Variants in GALNT1 observed in about 807,000 individuals in gnomAD.
GALNT1 encodes polypeptide N-acetylgalactosaminyltransferase 1, also known as GalNAc transferase 1.
Under a neutral mutation model 65.7 loss-of-function variants are expected in GALNT1, and 17 were observed. The observed-to-expected ratio is 0.26, with a 90% CI of 0.18 to 0.39. GALNT1 has a LOEUF of 0.39. Among genes scored for constraint, GALNT1 ranks in the 10% least tolerant of loss-of-function variants. The probability of loss-of-function intolerance (pLI) is 1.00; values close to 1 mark genes in which losing one functional copy is unlikely to be tolerated. For missense variants in GALNT1, 460 were observed against 672.8 expected (o/e 0.68, Z 3.50); for synonymous variants, 210 against 219.7 (o/e 0.96, Z 0.39).
intron 11 of GALNT1, among the ~76,000 whole-genome samples, chr18:35,705,177 A>G (rs1006246460): frequency 6.6e-6 from 1 of 152,184 alleles, no homozygotes; most frequent in African/African-American, 2.4e-5. Context: ...TGTTCTCTGA[A>G]CATACCTTAT....
At chr18:35,624,154 T>C (rs940929741) in intron 1 of GALNT1, among the ~76,000 whole-genome samples, 6 of 152,342 alleles carry the variant, frequency 3.9e-5, no homozygotes, top group Middle Eastern at 3.4e-3. Context: ...GAGTCTGTCC[T>C]GTGTTATATG....
At chr18:35,693,926 A>AGAAGGAATC (rs2048010309) in intron 9 of GALNT1, among the ~76,000 whole-genome samples, 1 of 152,170 alleles carries the variant, frequency 6.6e-6, no homozygotes, top group Non-Finnish European at 1.5e-5. Context: ...CATGGAGATG[A>AGAAGGAATC]GAAGGAATCA....
intron 1 of GALNT1, among the ~76,000 whole-genome samples, chr18:35,630,164 G>A (rs2046986449): frequency 1.3e-5 from 2 of 152,096 alleles, no homozygotes; most frequent in South Asian, 2.1e-4. Flanking sequence ...AGTTAACAAG[G>A]ATATCCAGGA....
intron 1 of GALNT1, chr18:35,596,707 C>T (rs2046509460): frequency 6.6e-6 from 1 of 152,256 alleles, no homozygotes; most frequent in South Asian, 2.1e-4. Context: ...TGCAACTCAA[C>T]TCCACACCAT....
Position 35,702,924 on chromosome 18 carries a change from C to G in GALNT1, c.1327C>G (p.Leu443Val). Residue 443 changes from leucine (L) to valine (V), a missense_variant, in exon 10 of 12, where the codon CTA (leucine) becomes GTA (valine). Coordinates refer to ENST00000269195, the MANE Select transcript of GALNT1 (RefSeq NM_020474.4). ...ACGAAATGTGGAAACGAATCAGTGT[C>G]TAGATAACATGGCTAGAAAAGAGAA... is the stretch of plus-strand genomic sequence containing the variant. ...EIRNVETNQC[L>V]DNMARKENEK... is the part of the protein sequence containing the mutation. 1 of 1,609,508 alleles carries G rather than the reference C, an allele frequency of 6.2e-7. No homozygotes were observed. Among genetic ancestry groups the G allele is most frequent in the Non-Finnish European group, 8.5e-7 (1 of 1,178,420 alleles).
chr18:35,613,524 C>T (rs1478039320), intron 1 of GALNT1, among the ~76,000 whole-genome samples: 1 of 152,064 alleles, frequency 6.6e-6, no homozygotes, highest in African/African-American at 2.4e-5. Flanking sequence ...ATACTGGCTC[C>T]CGTGCTGAGG....
chr18:35,703,760 T>G, intron 11 of GALNT1, 117 bp downstream of exon 11: 1 of 947,366 alleles, frequency 1.1e-6, no homozygotes, highest in South Asian at 2.2e-5. Flanking sequence ...AAACTTGTCT[T>G]ATACACTAAA....
chr18:35,598,991 G>GTTT (rs377086201), intron 1 of GALNT1, among the ~76,000 whole-genome samples: 35 of 115,018 alleles, frequency 3.0e-4, no homozygotes, highest in African/African-American at 9.9e-4. Flanking sequence ...GTATCCAGGC[G>GTTT]TTTTTTTTTT....
chr18:35,697,135 G>A (rs1157488993), intron 9 of GALNT1, among the ~76,000 whole-genome samples: 2 of 152,152 alleles, frequency 1.3e-5, no homozygotes, highest in Non-Finnish European at 2.9e-5. Context: ...TGTGGATAAA[G>A]GAAAGAAAAC....
Position 35,689,209 on chromosome 18 carries a change from C to A in GALNT1, c.897C>A (p.Asp299Glu). The change falls in exon 7 of 12, where the codon GAC becomes GAA. Residue 299 changes from aspartate to glutamate, a missense_variant. Physicochemically the swap from Asp to Glu is conservative, Grantham distance 45. Coordinates refer to ENST00000269195, the MANE Select transcript of GALNT1 (RefSeq NM_020474.4). ...PTMAGGLFSI[D>E]RDYFQEIGTY... ...TGGCAGGAGGCCTTTTTTCAATAGA[C>A]AGAGATTACTTTCAGGAAATTGGAA... The A allele has an allele frequency of 6.2e-7, 1 of 1,612,566 alleles. No homozygotes were observed. The highest frequency in any genetic ancestry group is 8.5e-7 in the Non-Finnish European group (1 of 1,179,050).
chr18:35,584,419 AGAG>A (rs1598777281), intron 1 of GALNT1, among the ~76,000 whole-genome samples: 1 of 152,154 alleles, frequency 6.6e-6, no homozygotes, highest in East Asian at 1.9e-4. Flanking sequence ...GGGCTGAGGT[AGAG>A]GAGGAAGGAA....
intron 4 of GALNT1, among the ~76,000 whole-genome samples, chr18:35,678,840 C>T (rs1229532925): frequency 5.3e-5 from 8 of 151,966 alleles, no homozygotes; most frequent in African/African-American, 1.7e-4. Flanking sequence ...TGCATTTAAC[C>T]GAAATTAAGT....
chr18:35,604,233 T>C (rs1369884708), intron 1 of GALNT1, among the ~76,000 whole-genome samples: 1 of 152,346 alleles, frequency 6.6e-6, no homozygotes, highest in Non-Finnish European at 1.5e-5. Context: ...TTCATGTTGT[T>C]GCAAAGGACG....
intron 1 of GALNT1, among the ~76,000 whole-genome samples, chr18:35,630,269 C>A (rs555681833): frequency 6.6e-6 from 1 of 152,106 alleles, no homozygotes; most frequent in Non-Finnish European, 1.5e-5. Context: ...AGCACCACAC[C>A]GCAGTTACTC....
intron 3 of GALNT1, among the ~76,000 whole-genome samples, chr18:35,665,574 G>T (rs1473139823): frequency 1.3e-5 from 2 of 152,150 alleles, no homozygotes; most frequent in East Asian, 1.9e-4. Context: ...GAACACTGAG[G>T]ATTTCAACCC....
chr18:35,634,380 G>A (rs1052054521), intron 1 of GALNT1, among the ~76,000 whole-genome samples: 2 of 152,056 alleles, frequency 1.3e-5, no homozygotes, highest in African/African-American at 4.8e-5. Context: ...ATTGTGTGGG[G>A]GTTCCCAAGA....
intron 2 of GALNT1, among the ~76,000 whole-genome samples, chr18:35,660,644 G>A (rs2047465379): frequency 6.6e-6 from 1 of 152,098 alleles, no homozygotes. Flanking sequence ...TAGAAGACTG[G>A]CAGTAGAGAA....
rs547705261 is a variant in GALNT1, at chr18:35,654,556, A to G, written c.-103-4A>G. The G allele has an allele frequency of 1.3e-3, 620 of 471,732 alleles. 4 individuals carry two copies. The highest frequency in any genetic ancestry group is 8.0e-3 in the South Asian group (75 of 9,378). 29.2% of individuals were successfully genotyped at this position (471,732 alleles called of 1,614,324 possible). A position where few individuals can be genotyped will look rare whatever the true frequency, so the allele number is the denominator to read the frequency against. On this transcript the variant is annotated splice_region_variant and splice_polypyrimidine_tract_variant and intron_variant, in intron 1 of 11. Coordinates refer to ENST00000269195, the MANE Select transcript of GALNT1 (RefSeq NM_020474.4). ...TTAATCTTTTTTCCTTTCTTTCTCT[A>G]TAGGGTATGAACGTGATTTCTGATG...
At chr18:35,684,813 T>G (rs1334484691) in intron 5 of GALNT1, among the ~76,000 whole-genome samples, 1 of 152,222 alleles carries the variant, frequency 6.6e-6, no homozygotes, top group Admixed American at 6.5e-5. Context: ...TGCTGAACTT[T>G]GGGGTCACTA....
Sources: gnomAD v4.1 joint callset for allele counts (sites outside exome capture counted in the v4.1 genomes callset) on GRCh38, gnomAD v4.1.1 for gene constraint, MANE v1.5 for transcripts, NCBI Gene and HGNC (gene_info 2026-07-23, HGNC 2026-07-21) for gene names.